The following OLFM3 variants were observed in gnomAD, a reference collection of about 807,000 sequenced individuals.
OLFM3 encodes olfactomedin 3.
A neutral mutation model predicts 48.6 loss-of-function variants in OLFM3; 20 were observed. That is an observed-to-expected ratio of 0.41 (90% CI 0.29 to 0.60). The LOEUF (loss-of-function observed/expected upper bound fraction) is 0.60. Ranked by LOEUF, OLFM3 falls within the 20% of genes least tolerant of loss-of-function variation. OLFM3 has a pLI of 0.28. For missense variants in OLFM3, 437 were observed against 544.3 expected (o/e 0.80, Z 1.96); for synonymous variants, 222 against 198.1 (o/e 1.12, Z -1.01).
chr1:101,968,445 G>A (rs1047702679), intron 1 of OLFM3, among the ~76,000 whole-genome samples: 7 of 146,800 alleles, frequency 4.8e-5, no homozygotes, highest in Admixed American at 2.1e-4. Context: ...ATGATGTGTA[G>A]CACTATTTTC....
chr1:101,868,150 T>A (rs898035161), intron 1 of OLFM3, among the ~76,000 whole-genome samples: 4 of 152,158 alleles, frequency 2.6e-5, no homozygotes, highest in African/African-American at 9.7e-5. Context: ...AATGGACTAA[T>A]ACAATAAATT....
intron 1 of OLFM3, among the ~76,000 whole-genome samples, chr1:101,849,659 G>A (rs1380780787): frequency 3.9e-5 from 6 of 152,138 alleles, no homozygotes; most frequent in Non-Finnish European, 2.9e-5. Context: ...ATATTCTCAC[G>A]GTTTGGGCAA....
chr1:101,930,015 T>C (rs1261228554), intron 1 of OLFM3, among the ~76,000 whole-genome samples: 4 of 152,144 alleles, frequency 2.6e-5, no homozygotes, highest in African/African-American at 7.2e-5. Flanking sequence ...AATTATATGA[T>C]AGATGAAAGA....
At chr1:101,889,339 C>T (rs564601314) in intron 1 of OLFM3, among the ~76,000 whole-genome samples, 40 of 152,248 alleles carry the variant, frequency 2.6e-4, no homozygotes, top group African/African-American at 9.6e-4. Context: ...AGGATGAGTT[C>T]ATGTCCTTTG....
chr1:101,867,516 C>T (rs1296223323), intron 1 of OLFM3, among the ~76,000 whole-genome samples: 2 of 152,150 alleles, frequency 1.3e-5, no homozygotes, highest in East Asian at 3.8e-4. Flanking sequence ...GAATACTATA[C>T]CACAAACCAG....
chr1:101,903,365 T>C (rs1208367720), intron 1 of OLFM3, among the ~76,000 whole-genome samples: 1 of 152,044 alleles, frequency 6.6e-6, no homozygotes, highest in African/African-American at 2.4e-5. Context: ...GTCAAACTGA[T>C]GACACTAGGA....
At chr1:101,994,785 CTT>C (rs1224974175) in intron 1 of OLFM3, among the ~76,000 whole-genome samples, 3 of 151,708 alleles carry the variant, frequency 2.0e-5, no homozygotes, top group African/African-American at 7.3e-5. Flanking sequence ...ATCTTTTGTT[CTT>C]TGCACACTGT....
chr1:101,959,686 A>G (rs1424924811), intron 1 of OLFM3, among the ~76,000 whole-genome samples: 1 of 152,138 alleles, frequency 6.6e-6, no homozygotes, highest in Non-Finnish European at 1.5e-5. Context: ...AGGTGACTCA[A>G]TCTCCAATGA....
intron 1 of OLFM3, among the ~76,000 whole-genome samples, chr1:101,861,458 G>A (rs1172301923): frequency 1.3e-5 from 2 of 152,184 alleles, no homozygotes; most frequent in African/African-American, 4.8e-5. Flanking sequence ...TAGTATCTAC[G>A]TTACTACTGT....
chr1:101,803,775 G>A lies in OLFM3; in HGVS notation c.*463C>T, dbSNP rs1653610173. 6.6e-6 allele frequency: 1 copy of A among 152,442 alleles called. No homozygotes were observed. The highest frequency in any genetic ancestry group is 2.4e-5 in the African/African-American group (1 of 41,340). 9.4% of individuals were successfully genotyped at this position (152,442 alleles called of 1,614,324 possible). A position where few individuals can be genotyped will look rare whatever the true frequency, so the allele number is the denominator to read the frequency against. On this transcript the variant is annotated 3_prime_UTR_variant, in exon 6 of 6. Transcript: ENST00000370103. ...ATTAATATTATTTTTCAATATAAAT[G>A]AAATCCTTACATTTTTTAAAGAAAT...
At chr1:101,821,901 T>A (rs866061972) in intron 4 of OLFM3, among the ~76,000 whole-genome samples, 2 of 152,152 alleles carry the variant, frequency 1.3e-5, no homozygotes, top group Non-Finnish European at 2.9e-5. Flanking sequence ...AAATAAATAT[T>A]GATTAACTAA....
intron 1 of OLFM3, among the ~76,000 whole-genome samples, chr1:101,908,961 T>C (rs1658649562): frequency 6.6e-6 from 1 of 152,248 alleles, no homozygotes. Flanking sequence ...TTCTGTTATT[T>C]TAACCCACTA....
At chr1:101,832,780 C>T (rs1157638604) in intron 2 of OLFM3, among the ~76,000 whole-genome samples, 1 of 152,154 alleles carries the variant, frequency 6.6e-6, no homozygotes, top group African/African-American at 2.4e-5. Context: ...GGTTAGGCAA[C>T]AGCATTATAG....
intron 1 of OLFM3, 76 bp downstream of exon 1, chr1:101,996,672 T>C (rs1208522631): frequency 1.4e-6 from 2 of 1,474,774 alleles, no homozygotes; most frequent in East Asian, 4.5e-5. Context: ...GTTTTTGACA[T>C]ATTTATTTGC....
chr1:101,832,229 C>T (rs1234254049), intron 2 of OLFM3, among the ~76,000 whole-genome samples: 1 of 152,168 alleles, frequency 6.6e-6, no homozygotes, highest in South Asian at 2.1e-4. Flanking sequence ...CATGCACACA[C>T]ATATAATCAG....
chr1:101,904,837 T>C (rs918843686), intron 1 of OLFM3, among the ~76,000 whole-genome samples: 1 of 152,060 alleles, frequency 6.6e-6, no homozygotes, highest in African/African-American at 2.4e-5. Flanking sequence ...TCCCACCTGT[T>C]TACCTCTACT....
chr1:101,834,500 T>C (rs1474710555), intron 2 of OLFM3, among the ~76,000 whole-genome samples: 3 of 152,336 alleles, frequency 2.0e-5, no homozygotes, highest in East Asian at 1.9e-4. Context: ...CTTGGATATA[T>C]GTGAAACTAT....
At chr1:101,840,024 C>T (rs1001042958) in intron 1 of OLFM3, among the ~76,000 whole-genome samples, 3 of 151,920 alleles carry the variant, frequency 2.0e-5, no homozygotes, top group Non-Finnish European at 4.4e-5. Context: ...GTGTTGGGGT[C>T]AGTGATAAAT....
chr1:101,807,453 C>T (rs1180567779), intron 4 of OLFM3, among the ~76,000 whole-genome samples: 1 of 151,606 alleles, frequency 6.6e-6, no homozygotes, highest in East Asian at 1.9e-4. Flanking sequence ...CTATTAGTTC[C>T]TGTTGGTTCT....
Sources: gnomAD v4.1 joint callset for allele counts (sites outside exome capture counted in the v4.1 genomes callset) on GRCh38, gnomAD v4.1.1 for gene constraint, MANE v1.5 for transcripts, NCBI Gene and HGNC (gene_info 2026-07-23, HGNC 2026-07-21) for gene names.